Variants in RNF185 observed in about 807,000 individuals in gnomAD.
RNF185 encodes E3 ubiquitin-protein ligase RNF185.
A neutral mutation model predicts 24.9 loss-of-function variants in RNF185; 13 were observed. The ratio of observed to expected loss-of-function variants is 0.52; its 90% CI spans 0.34 to 0.83. The LOEUF is 0.83. RNF185 is among the 40% of genes least tolerant of loss of function. The probability of loss-of-function intolerance (pLI) is 0.01; values close to 1 mark genes in which losing one functional copy is unlikely to be tolerated. For synonymous variants in RNF185, 79 were observed against 90.3 expected (o/e 0.88, Z 0.71); for missense variants, 184 against 244.7 (o/e 0.75, Z 1.65).
At chr22:31,190,285 G>A (rs1173025463) in intron 2 of RNF185, among the ~76,000 whole-genome samples, 1 of 151,944 alleles carries the variant, frequency 6.6e-6, no homozygotes, top group Non-Finnish European at 1.5e-5. Context: ...TGGATTTTTT[G>A]TTTGTTTGTT....
At chr22:31,182,367 A>G (rs2048047231) in intron 1 of RNF185, among the ~76,000 whole-genome samples, 1 of 152,102 alleles carries the variant, frequency 6.6e-6, no homozygotes, top group Non-Finnish European at 1.5e-5. Flanking sequence ...GGCTCACTGC[A>G]ACTTCCGCCT....
rs1254449899 is a variant in RNF185 at position 31,205,699 on chromosome 22, C to T, written c.*1113C>T. ...ATGGCTTGATAGAGTTCCCTGAAAA[C>T]TCCTTGTATGTGTGCTAAAACCAGG... On this transcript the variant is annotated 3_prime_UTR_variant, in exon 7 of 7. Transcript: ENST00000326132. The T allele has an allele frequency of 6.6e-6, 1 of 152,216 alleles. No homozygotes were observed. Among genetic ancestry groups the T allele is most frequent in the East Asian group, 1.9e-4 (1 of 5,200 alleles). 9.4% of individuals were successfully genotyped at this position (152,216 alleles called of 1,614,324 possible).
intron 1 of RNF185, among the ~76,000 whole-genome samples, chr22:31,167,837 G>A (rs894854837): frequency 1.3e-5 from 2 of 151,974 alleles, no homozygotes; most frequent in African/African-American, 2.4e-5. Context: ...GGTCTCGAAC[G>A]CCTGACCTCA....
chr22:31,188,194 G>A (rs1048209037), intron 2 of RNF185, among the ~76,000 whole-genome samples: 1 of 152,150 alleles, frequency 6.6e-6, no homozygotes, highest in African/African-American at 2.4e-5. Flanking sequence ...CGACTAAAGG[G>A]ACATAGAGGT....
chr22:31,174,542 G>A (rs1279427202), intron 1 of RNF185, among the ~76,000 whole-genome samples: 1 of 151,892 alleles, frequency 6.6e-6, no homozygotes, highest in African/African-American at 2.4e-5. Context: ...ACCATACCTG[G>A]CTAATTTTAA....
chr22:31,161,434 A>G (rs1340158776), intron 1 of RNF185, among the ~76,000 whole-genome samples: 1 of 152,184 alleles, frequency 6.6e-6, no homozygotes, highest in Non-Finnish European at 1.5e-5. Context: ...AATAAGGCCA[A>G]TGCATCTGAC....
intron 1 of RNF185, among the ~76,000 whole-genome samples, chr22:31,162,344 A>G (rs1216821170): frequency 6.6e-6 from 1 of 152,194 alleles, no homozygotes; most frequent in Non-Finnish European, 1.5e-5. Flanking sequence ...GAGTTTTTAG[A>G]ACTTCTCGAT....
At chr22:31,165,125 T>A (rs977060991) in intron 1 of RNF185, among the ~76,000 whole-genome samples, 8 of 149,576 alleles carry the variant, frequency 5.3e-5, no homozygotes, top group Non-Finnish European at 1.2e-4. Flanking sequence ...TCTATGTTGG[T>A]CAAGCTGGTC....
In RNF185 at chr22:31,201,508, G is replaced by T. The variant is rs1196788429; in HGVS notation, c.374G>T (p.Gly125Val). The T allele has an allele frequency of 2.5e-6, 4 of 1,611,238 alleles. No individual in the cohort carries two copies. The African/African-American group carries it at 4.0e-5, about 16-fold the overall frequency. Reference protein sequence around the residue: ...PEPENRGGFQGFGFGDGGFQM... With the variant: ...PEPENRGGFQVFGFGDGGFQM... Reference sequence around the variant, plus strand: ...CTTTCTTCCACACAGGGATTTCAAGGATTTGGATTTGGAGATGGTGGCTTC... The same window carrying T: ...CTTTCTTCCACACAGGGATTTCAAGTATTTGGATTTGGAGATGGTGGCTTC... Residue 125 changes from glycine (G) to valine (V), a missense_variant, in exon 6 of 7, where the codon GGA becomes GTA. Gly to Val is a moderately radical substitution (Grantham distance 109). Transcript: ENST00000326132.
intron 2 of RNF185, among the ~76,000 whole-genome samples, chr22:31,189,230 T>TTA (rs1206936955): frequency 1.4e-5 from 2 of 147,944 alleles, no homozygotes; most frequent in African/African-American, 2.5e-5. Flanking sequence ...ATTATGTATT[T>TTA]TATGTATATA....
At chr22:31,193,117 T>C (rs1285222575) in intron 3 of RNF185, among the ~76,000 whole-genome samples, 1 of 152,208 alleles carries the variant, frequency 6.6e-6, no homozygotes, top group East Asian at 1.9e-4. Flanking sequence ...AAAAGTCTAT[T>C]TTCCTAGCTT....
chr22:31,179,056 A>G (rs554738101), intron 1 of RNF185, among the ~76,000 whole-genome samples: 12 of 152,280 alleles, frequency 7.9e-5, no homozygotes, highest in African/African-American at 2.6e-4. Flanking sequence ...TAGATGTGAA[A>G]TGCTTTGAAA....
intron 1 of RNF185, among the ~76,000 whole-genome samples, chr22:31,167,656 C>A (rs1924013323): frequency 6.9e-6 from 1 of 145,238 alleles, no homozygotes; most frequent in Admixed American, 7.2e-5. Flanking sequence ...CCGTTGTCAC[C>A]CAGGCTGAGT....
At position 31,193,664 on chromosome 22, in the gene RNF185, C is replaced by CA. The variant is rs766926710; in HGVS notation, c.195+963dup. Among the ~76,000 whole-genome samples, 124 of 151,846 alleles carry CA rather than the reference C, an allele frequency of 8.2e-4. 2 individuals are homozygous for CA. Among genetic ancestry groups the CA allele is most frequent in the Non-Finnish European group, 1.4e-3 (96 of 67,964 alleles). On this transcript the variant is annotated intron_variant, in intron 3 of 6. Transcript: ENST00000326132. ...TAAAAATTAGCTGGGCGTGGTGGTG[C>CA]ACGCCTATAGTCCGAGCTACTAGGG...
intron 1 of RNF185, among the ~76,000 whole-genome samples, chr22:31,162,952 G>A (rs1011465900): frequency 6.6e-6 from 1 of 151,888 alleles, no homozygotes; most frequent in African/African-American, 2.4e-5. Flanking sequence ...TTTTAGTAGA[G>A]GTAGGGTTTC....
At chr22:31,198,712 T>C (rs527642349) in intron 5 of RNF185, among the ~76,000 whole-genome samples, 135 of 142,048 alleles carry the variant, frequency 9.5e-4, no homozygotes, top group African/African-American at 3.4e-3. Context: ...TTCTTTTTTT[T>C]TTTTTTTTTT....
chr22:31,180,915 C>CTCTG lies in RNF185; in HGVS notation c.-48-6131_-48-6130insCTGT, dbSNP rs1555881705. Among the ~76,000 whole-genome samples, 55 of 96,878 alleles carry CTCTG rather than the reference C, an allele frequency of 5.7e-4. No individual in the cohort carries two copies. The South Asian group carries it at 8.5e-3, about 15-fold the overall frequency. 63.6% of individuals were successfully genotyped at this position (96,878 alleles called of 152,430 possible). A position where few individuals can be genotyped will look rare whatever the true frequency, so the allele number is the denominator to read the frequency against. ...TTTTCTAGGCATTTTCTCTCTCTCT[C>CTCTG]TGTGTGTGTGTGTGTGTGTGTGTGT... is the stretch of plus-strand genomic sequence containing the variant. On this transcript the variant is annotated intron_variant, in intron 1 of 6. Coordinates refer to ENST00000326132, the MANE Select transcript of RNF185 (RefSeq NM_152267.4).
At chr22:31,161,576 T>C (rs1923578094) in intron 1 of RNF185, among the ~76,000 whole-genome samples, 1 of 152,152 alleles carries the variant, frequency 6.6e-6, no homozygotes, top group Admixed American at 6.5e-5. Context: ...ACCCCATGGG[T>C]TAGTAGCTTT....
intron 2 of RNF185, among the ~76,000 whole-genome samples, chr22:31,189,322 G>T (rs1397841463): frequency 3.6e-5 from 3 of 84,452 alleles, no homozygotes; most frequent in African/African-American, 1.4e-4. Context: ...AGACAGCCTT[G>T]CTCTCTTGCC....
Sources: gnomAD v4.1 joint callset for allele counts (sites outside exome capture counted in the v4.1 genomes callset) on GRCh38, gnomAD v4.1.1 for gene constraint, MANE v1.5 for transcripts, NCBI Gene and HGNC (gene_info 2026-07-23, HGNC 2026-07-21) for gene names.